Variants in SPON1 observed in about 807,000 individuals in gnomAD.
SPON1 encodes the protein spondin 1, also known as spondin-1.
Under a neutral mutation model 111.7 loss-of-function variants are expected in SPON1, and 52 were observed. The ratio of observed to expected loss-of-function variants is 0.47; its 90% CI spans 0.37 to 0.59. SPON1 has a LOEUF of 0.59. SPON1 is among the 20% of genes least tolerant of loss of function. The pLI is 0.00. For synonymous variants in SPON1, 410 were observed against 395.8 expected (o/e 1.04, Z -0.43); for missense variants, 957 against 1,068.5 (o/e 0.90, Z 1.46).
rs1404312419 is a variant in SPON1 at position 13,963,070 on chromosome 11, G to C, written c.166G>C (p.Glu56Gln). The C allele has an allele frequency of 1.3e-5, 21 of 1,574,298 alleles. No homozygotes were observed. The highest frequency in any genetic ancestry group is 1.8e-5 in the Non-Finnish European group (21 of 1,162,082). ...RILRAQGTRR[E>Q]GYTEFSLRVE... ...CCTGCGCGCCCAGGGCACGCGGCGC[G>C]AGGGCTACACCGAGTTCAGCCTCCG... The change falls in exon 1 of 16, where the codon GAG (glutamate) becomes CAG (glutamine). Residue 56 changes from glutamate (E) to glutamine (Q), a missense_variant. Physicochemically the swap from Glu to Gln is conservative, Grantham distance 29 (BLOSUM62 2). Around this residue, in one of 5 missense-constraint regions of SPON1, gnomAD observed 262 missense variants for 253.9 expected, o/e 1.03. Transcript: ENST00000576479.
At chr11:13,973,750 A>G (rs918600813) in intron 1 of SPON1, among the ~76,000 whole-genome samples, 1 of 152,230 alleles carries the variant, frequency 6.6e-6, no homozygotes, top group African/African-American at 2.4e-5. Flanking sequence ...GGTAAATACT[A>G]TTAAATATTA....
intron 6 of SPON1, among the ~76,000 whole-genome samples, chr11:14,145,807 C>G (rs1554929264): frequency 6.6e-6 from 1 of 152,072 alleles, no homozygotes; most frequent in African/African-American, 2.4e-5. Flanking sequence ...ATTAGAAACT[C>G]TGGATGCATT....
In SPON1 at chr11:14,135,194, C is replaced by A; in HGVS notation, c.677-226C>A. 2.2e-6 allele frequency: 1 copy of A among 445,224 alleles called. No individual in the cohort carries two copies. The highest frequency in any genetic ancestry group is 1.9e-5 in the African/African-American group (1 of 51,866). The allele number at this position is 445,224 out of a possible 1,614,324, so 27.6% of individuals were successfully genotyped here. A position where few individuals can be genotyped will look rare whatever the true frequency, so the allele number is the denominator to read the frequency against. On this transcript the variant is annotated intron_variant, in intron 5 of 15. Transcript: ENST00000576479. This position sits in a 1 kb window ranked among gnomAD's most constrained non-coding sequence, Gnocchi z 4.4. ...GACAGAACGCATCTCTGGGCTGCCT[C>A]TGCGTCTTGTTCAACATCTGCTGTT...
intron 4 of SPON1, among the ~76,000 whole-genome samples, chr11:14,075,714 A>C (rs1283003778): frequency 6.6e-6 from 1 of 152,208 alleles, no homozygotes; most frequent in Non-Finnish European, 1.5e-5. Context: ...GGAATAATTC[A>C]CAGGACTTAA....
intron 1 of SPON1, among the ~76,000 whole-genome samples, chr11:13,974,302 A>T (rs1312685689): frequency 1.3e-5 from 2 of 152,174 alleles, no homozygotes; most frequent in Non-Finnish European, 2.9e-5. Context: ...CATTTCAGTA[A>T]CACATAGCAG....
chr11:14,147,645 G>A (rs578220407), intron 6 of SPON1, among the ~76,000 whole-genome samples: 4 of 151,908 alleles, frequency 2.6e-5, no homozygotes, highest in East Asian at 1.9e-4. Flanking sequence ...TCGAACTCCC[G>A]AACTCAACTG....
chr11:14,047,889 C>G (rs1293037119), intron 3 of SPON1, among the ~76,000 whole-genome samples: 1 of 152,110 alleles, frequency 6.6e-6, no homozygotes, highest in African/African-American at 2.4e-5. Flanking sequence ...GTTGAGGGAG[C>G]CATTAGTAGT....
chr11:14,235,148 G>A (rs185081137), intron 6 of SPON1, among the ~76,000 whole-genome samples: 7 of 152,292 alleles, frequency 4.6e-5, no homozygotes, highest in Admixed American at 2.6e-4. Flanking sequence ...TGACACCCAG[G>A]TCGATGAGTG....
At chr11:14,144,325 G>C (rs1431241334) in intron 6 of SPON1, among the ~76,000 whole-genome samples, 2 of 152,012 alleles carry the variant, frequency 1.3e-5, no homozygotes, top group African/African-American at 4.8e-5. Context: ...AAGGGAGAAA[G>C]AAAGATCCAA....
At chr11:14,200,814 T>TAAAAA (rs572814576) in intron 6 of SPON1, among the ~76,000 whole-genome samples, 5 of 79,344 alleles carry the variant, frequency 6.3e-5, no homozygotes, top group African/African-American at 2.8e-4. Context: ...GACCCTGTCT[T>TAAAAA]AAAAAAAAAA....
intron 2 of SPON1, among the ~76,000 whole-genome samples, chr11:14,034,645 G>A (rs1023833306): frequency 2.6e-5 from 4 of 152,168 alleles, no homozygotes; most frequent in Admixed American, 6.5e-5. Flanking sequence ...TGGGCCAAGG[G>A]TCTTAGTCTT....
At chr11:14,265,320 GAGA>G (rs1554942351) in intron 15 of SPON1, among the ~76,000 whole-genome samples, 1 of 152,124 alleles carries the variant, frequency 6.6e-6, no homozygotes. Flanking sequence ...GCCTTTTGAT[GAGA>G]AGAACCGTGA....
chr11:14,182,942 G>A (rs10766163), intron 6 of SPON1, among the ~76,000 whole-genome samples: 61,047 of 152,006 alleles, frequency 0.4, 12,398 homozygotes, highest in East Asian at 0.55. Context: ...ATTAGTTGCC[G>A]TCCAAGCTAG....
At chr11:14,130,078 T>G (rs139293314) in intron 5 of SPON1, among the ~76,000 whole-genome samples, 6 of 152,216 alleles carry the variant, frequency 3.9e-5, no homozygotes, top group African/African-American at 1.2e-4. Flanking sequence ...CATCAAATAG[T>G]CAATCCTCAC....
At chr11:14,033,930 CTT>C (rs1221965705) in intron 2 of SPON1, among the ~76,000 whole-genome samples, 14 of 152,262 alleles carry the variant, frequency 9.2e-5, no homozygotes, top group African/African-American at 3.1e-4. Context: ...CCCAAAGTGA[CTT>C]TAAACTTAAA....
chr11:13,969,622 G>A (rs977990861), intron 1 of SPON1, among the ~76,000 whole-genome samples: 4 of 152,162 alleles, frequency 2.6e-5, no homozygotes, highest in Admixed American at 2.6e-4. Flanking sequence ...TTTGAGTATG[G>A]CAGAGTCCCA....
At chr11:14,144,362 G>T (rs782633809) in intron 6 of SPON1, among the ~76,000 whole-genome samples, 2 of 152,132 alleles carry the variant, frequency 1.3e-5, no homozygotes, top group Admixed American at 6.5e-5. Flanking sequence ...AGGCGTGGTG[G>T]CTCACACCTG....
In SPON1 at chr11:14,115,922, T is replaced by G. The variant is rs745443413; in HGVS notation, c.677-19498T>G. Among the ~76,000 whole-genome samples the G allele has an allele frequency of 5.9e-5, 9 of 152,216 alleles. No homozygotes were observed. The South Asian group carries it at 1.4e-3, about 25-fold the overall frequency. ...ATACTTGATATTGTTGATATGGTTT[T>G]GTTTTGTTTTGTTTTTCCACTTTAA... On this transcript the variant is annotated intron_variant, in intron 5 of 15. Transcript: ENST00000576479.
intron 6 of SPON1, among the ~76,000 whole-genome samples, chr11:14,210,373 CTT>C (rs79378171): frequency 1.2e-4 from 16 of 133,674 alleles, no homozygotes; most frequent in South Asian, 2.4e-4. Flanking sequence ...TTTCTTTTTC[CTT>C]TTTTTTTTTT....
Sources: allele counts gnomAD v4.1 joint callset (sites outside exome capture counted in the v4.1 genomes callset), GRCh38; gene constraint gnomAD v4.1.1; regional missense constraint gnomAD v4.1.1; non-coding constraint Gnocchi (gnomAD v3.1); transcripts MANE v1.5; gene names NCBI Gene and HGNC (gene_info 2026-07-23, HGNC 2026-07-21).